Variants in WDR83 observed in about 807,000 individuals in gnomAD.
WDR83 encodes WD repeat domain 83.
WDR83 carries 37 observed loss-of-function variants against 37.7 expected under a neutral mutation model. That is an observed-to-expected ratio of 0.98 (90% CI 0.76 to 1.29). The LOEUF is 1.29. Among genes scored for constraint, WDR83 ranks in the 50% most tolerant of loss-of-function variants. The pLI is 0.00. For missense variants in WDR83, 445 were observed against 414.4 expected (o/e 1.07, Z -0.64); for synonymous variants, 174 against 181.1 (o/e 0.96, Z 0.31).
At position 12,668,582 on chromosome 19, in the gene WDR83, G is replaced by A. The variant is rs575309715; in HGVS notation, c.-82G>A. On this transcript the variant is annotated 5_prime_UTR_variant, in exon 2 of 11. Transcript: ENST00000418543. ...TCCGAGAGTTGGCAAAGCTGATGAA[G>A]GAGCAGTAGACAGCGACCCAAGCAC... 3 of 1,614,124 alleles carry A rather than the reference G, an allele frequency of 1.9e-6. No homozygotes were observed. The highest frequency in any genetic ancestry group is 1.1e-5 in the South Asian group (1 of 91,078).
rs1568312459 is a variant in WDR83 at position 12,670,053 on chromosome 19, G to A, written c.180G>A (p.Leu60=). 1 of 1,613,004 alleles carries A rather than the reference G, an allele frequency of 6.2e-7. No individual in the cohort carries two copies. The highest frequency in any genetic ancestry group is 8.5e-7 in the Non-Finnish European group (1 of 1,179,268). Residue 60 remains leucine (L), a synonymous_variant, in exon 4 of 11, where the codon CTG becomes CTA. Coordinates refer to ENST00000418543, the MANE Select transcript of WDR83 (RefSeq NM_001099737.3). ...GGAACCCGCTTCGGGGGACGCTGCT[G>A]CGGACGTACAGCGGCCACGGCTACG... ...KLWNPLRGTL[L]RTYSGHGYEV...
At chr19:12,670,666 C>A (rs752759777) in intron 6 of WDR83, 29 bp from the exon 7 acceptor site, 2 of 1,614,224 alleles carry the variant, frequency 1.2e-6, no homozygotes, top group Non-Finnish European at 1.7e-6. Flanking sequence ...CCCTCCAAAC[C>A]TGACCTCACC....
chr19:12,672,642 C>G (rs1599370913), intron 7 of WDR83: 1 of 600,566 alleles, frequency 1.7e-6, no homozygotes, highest in East Asian at 2.8e-5. Context: ...ATCAGAAGGA[C>G]TCCAAGGGCT....
Position 12,673,258 on chromosome 19 carries a change from A to T in WDR83, c.740A>T (p.Asp247Val). The T allele has an allele frequency of 6.2e-7, 1 of 1,614,026 alleles. No individual in the cohort carries two copies. Among genetic ancestry groups the T allele is most frequent in the Non-Finnish European group, 8.5e-7 (1 of 1,180,004 alleles). ...CTGGACTGCTGCCTGAGCGAGCGTG[A>T]CACACATGTGGTCAGCTGTTCTGAG... is the stretch of plus-strand genomic sequence containing the variant. ...YKLDCCLSER[D>V]THVVSCSEDG... is the part of the protein sequence containing the mutation. The change falls in exon 10 of 11, where the codon GAC (aspartate) becomes GTC (valine). Residue 247 changes from aspartate to valine, a missense_variant. By Grantham distance (152) the Asp-to-Val change is radical. Coordinates refer to ENST00000418543, the MANE Select transcript of WDR83 (RefSeq NM_001099737.3).
intron 10 of WDR83, among the ~76,000 whole-genome samples, chr19:12,675,185 G>C (rs1416397131): frequency 6.6e-6 from 1 of 152,162 alleles, no homozygotes; most frequent in Non-Finnish European, 1.5e-5. Context: ...CTAGCACTTT[G>C]GGAGGCCAAG....
rs368361960 is a variant in WDR83 at position 12,673,137 on chromosome 19, G to T, written c.683+21G>T. On this transcript the variant is annotated intron_variant, in intron 9 of 10. Transcript: ENST00000418543. ...GGCGAGTGAGTCCTTGTGGTCGTGG[G>T]GATCCCCTTCCCTCCTCTCCCACCC... 1.9e-5 allele frequency: 31 copies of T among 1,611,742 alleles called. No homozygotes were observed. In the Middle Eastern group the frequency reaches 4.9e-4, roughly 26 times the overall value.
rs767262897 is a variant in WDR83 at position 12,668,329 on chromosome 19, G to C, written c.-156-179G>C. The C allele has an allele frequency of 1.9e-6, 3 of 1,596,854 alleles. No homozygotes were observed. The Admixed American group carries it at 5.3e-5, about 28-fold the overall frequency. ...AAGCCCAGGCCTAGTGGATAGACAG[G>C]GTCCAAAATGTGACCCTTCTAGGCT... On this transcript the variant is annotated intron_variant, in intron 1 of 10. Transcript: ENST00000418543.
intron 10 of WDR83, among the ~76,000 whole-genome samples, chr19:12,675,108 A>G (rs1369625017): frequency 6.8e-6 from 1 of 146,420 alleles, no homozygotes; most frequent in East Asian, 2.0e-4. Context: ...GCAAGACTCC[A>G]TCTCAAAAAA....
At chr19:12,667,924 C>G (rs2145299427) in intron 1 of WDR83, 1 of 173,106 alleles carries the variant, frequency 5.8e-6, no homozygotes, top group South Asian at 1.1e-4. Flanking sequence ...TGTCTTGTCC[C>G]TAGCACCTGA....
In WDR83 at chr19:12,670,773, G is replaced by A; in HGVS notation, c.458G>A (p.Arg153Lys). The change falls in exon 7 of 11, where the codon AGA becomes AAA. Residue 153 changes from arginine to lysine, a missense_variant. Physicochemically the swap from Arg to Lys is conservative, Grantham distance 26 (BLOSUM62 2). Coordinates refer to ENST00000418543, the MANE Select transcript of WDR83 (RefSeq NM_001099737.3). ...CCAGTGCAGACGCTGGATGAGGCCA[G>A]AGATGGCGTGTCCAGTGTGAAGGTG... ...PEPVQTLDEA[R>K]DGVSSVKVSD... The A allele has an allele frequency of 2.5e-6, 4 of 1,614,194 alleles. No homozygotes were observed. Among genetic ancestry groups the A allele is most frequent in the Non-Finnish European group, 3.4e-6 (4 of 1,180,028 alleles).
At chr19:12,673,637 T>TA (rs1216732240) in intron 10 of WDR83, among the ~76,000 whole-genome samples, 1 of 150,618 alleles carries the variant, frequency 6.6e-6, no homozygotes, top group African/African-American at 2.4e-5. Context: ...AGGCTGGTCT[T>TA]AAACTCCTGA....
chr19:12,670,274 G>T lies in WDR83; in HGVS notation c.319G>T (p.Gly107Cys), dbSNP rs1281369349. 2 of 1,613,874 alleles carry T rather than the reference G, an allele frequency of 1.2e-6. No individual in the cohort carries two copies. Among genetic ancestry groups the T allele is most frequent in the Admixed American group, 3.3e-5 (2 of 59,978 alleles). The change falls in exon 5 of 11, where the codon GGC becomes TGC. Residue 107 changes from glycine to cysteine, a missense_variant. By Grantham distance (159) the Gly-to-Cys change is radical. Coordinates refer to ENST00000418543, the MANE Select transcript of WDR83 (RefSeq NM_001099737.3). ...AGGGCAGGTCGTGCGCAAATTCCGG[G>T]GCCACGCAGGGGTGAGTGAAAGCCT... ...ASGQVVRKFR[G>C]HAGKVNTVQF...
chr19:12,670,897 C>A, intron 7 of WDR83, 76 bp downstream of exon 7: 1 of 1,540,348 alleles, frequency 6.5e-7, no homozygotes, highest in Non-Finnish European at 8.8e-7. Flanking sequence ...AGATTAAAAC[C>A]TACTCTCAGC....
chr19:12,669,484 G>GT, intron 2 of WDR83: 1 of 1,512,570 alleles, frequency 6.6e-7, no homozygotes, highest in Middle Eastern at 2.0e-4. Flanking sequence ...GGATTTTAGA[G>GT]TAACACCCGA....
In WDR83 at chr19:12,673,079, C is replaced by A. The variant is rs370365287; in HGVS notation, c.646C>A (p.Arg216=). 2.5e-6 allele frequency: 4 copies of A among 1,613,464 alleles called. No individual in the cohort carries two copies. The South Asian group carries it at 4.4e-5, about 18-fold the overall frequency. ...GGTGTCCAGCCTGGACTCCACATTG[C>A]GGCTCCTGGACAAAGACACAGGGGA... ...TLVSSLDSTL[R]LLDKDTGELL... Residue 216 remains arginine (R), a synonymous_variant, in exon 9 of 11, where the codon CGG becomes AGG. Transcript: ENST00000418543.
In WDR83 at chr19:12,675,683, C is replaced by T; in HGVS notation, c.*11C>T. The stretch of plus-strand genomic sequence containing the variant: ...GATGGAGCAGGCTGAAGCCAGGGGA[C>T]CCACCAACAGGACCAAGGACCGAGA... On this transcript the variant is annotated 3_prime_UTR_variant, in exon 11 of 11. Coordinates refer to ENST00000418543, the MANE Select transcript of WDR83 (RefSeq NM_001099737.3). The T allele has an allele frequency of 1.3e-6, 2 of 1,599,496 alleles. No individual in the cohort carries two copies. The highest frequency in any genetic ancestry group is 1.1e-5 in the South Asian group (1 of 90,716).
intron 2 of WDR83, 196 bp from the exon 3 acceptor site, chr19:12,669,559 T>A: frequency 9.7e-7 from 1 of 1,025,784 alleles, no homozygotes; most frequent in Non-Finnish European, 1.4e-6. Context: ...AACGGAGATT[T>A]AGGAGAAGCC....
chr19:12,673,198 T>A lies in WDR83; in HGVS notation c.684-4T>A. On this transcript the variant is annotated splice_polypyrimidine_tract_variant and splice_region_variant and intron_variant, in intron 9 of 10. Transcript: ENST00000418543. ...CCAAGCCCCCCGATCCTGTCCACCC[T>A]TAGGTACAAGGGCCATAAGAACCAG... is the stretch of plus-strand genomic sequence containing the variant. 1 of 1,613,982 alleles carries A rather than the reference T, an allele frequency of 6.2e-7. No homozygotes were observed. Among genetic ancestry groups the A allele is most frequent in the Non-Finnish European group, 8.5e-7 (1 of 1,179,962 alleles).
chr19:12,671,021 A>T (rs2024399818), intron 7 of WDR83, 200 bp downstream of exon 7: 2 of 738,748 alleles, frequency 2.7e-6, no homozygotes, highest in Admixed American at 3.0e-5. Context: ...TGAAAGACAG[A>T]CTGTCTACAA....
Sources: gnomAD v4.1 joint callset for allele counts (sites outside exome capture counted in the v4.1 genomes callset) on GRCh38, gnomAD v4.1.1 for gene constraint, MANE v1.5 for transcripts, NCBI Gene and HGNC (gene_info 2026-07-23, HGNC 2026-07-21) for gene names.